Variants in ITGA1 observed in about 807,000 individuals in gnomAD.
ITGA1 encodes the protein integrin alpha-1.
A neutral mutation model predicts 145.9 loss-of-function variants in ITGA1; 85 were observed. The observed-to-expected ratio is 0.58, with a 90% confidence interval of 0.49 to 0.70. The LOEUF (loss-of-function observed/expected upper bound fraction) is 0.70. Among genes scored for constraint, ITGA1 ranks in the 30% least tolerant of loss-of-function variants. The probability of loss-of-function intolerance (pLI) is 0.00; values close to 1 mark genes in which losing one functional copy is unlikely to be tolerated. For missense variants in ITGA1, 1,351 were observed against 1,418.7 expected, an observed-to-expected ratio of 0.95 and a Z score of 0.77; for synonymous variants, 520 against 495.3, an observed-to-expected ratio of 1.05 and a Z score of -0.66.
chr5:52,789,636 A>G (rs1748200829), intron 1 of ITGA1, among the ~76,000 whole-genome samples: 1 of 152,236 alleles, frequency 6.6e-6, no homozygotes. Context: ...ACTGCTGAAC[A>G]GCATTATAGC....
At chr5:52,846,957 A>G (rs922332936) in intron 1 of ITGA1, among the ~76,000 whole-genome samples, 1 of 152,116 alleles carries the variant, frequency 6.6e-6, no homozygotes, top group Non-Finnish European at 1.5e-5. Context: ...TTCCTTCAAC[A>G]TGTTATCTGT....
chr5:52,844,270 T>C (rs1456756264), intron 1 of ITGA1, among the ~76,000 whole-genome samples: 1 of 152,200 alleles, frequency 6.6e-6, no homozygotes, highest in East Asian at 1.9e-4. Context: ...ACTTTTCTCC[T>C]TACTCAGACT....
At chr5:52,948,820 C>T (rs1175200192) in intron 28 of ITGA1, 1 of 152,154 alleles carries the variant, frequency 6.6e-6, no homozygotes, top group African/African-American at 2.4e-5. Flanking sequence ...CAGCACTGCA[C>T]TTACCTCTAT....
chr5:52,920,085 A>G (rs554997970), intron 16 of ITGA1, among the ~76,000 whole-genome samples: 1 of 152,330 alleles, frequency 6.6e-6, no homozygotes, highest in African/African-American at 2.4e-5. Context: ...TATAAGAATT[A>G]TAAACAATAA....
At chr5:52,952,274 A>G in intron 28 of ITGA1, 133 bp from the exon 29 acceptor site, 1 of 460,804 alleles carries the variant, frequency 2.2e-6, no homozygotes, top group Non-Finnish European at 4.0e-6. Flanking sequence ...CAATGAGAAA[A>G]TATTTCTTAA....
chr5:52,800,591 C>G, intron 1 of ITGA1: 1 of 1,613,616 alleles, frequency 6.2e-7, no homozygotes, highest in South Asian at 1.1e-5. Flanking sequence ...ACTACCCTCA[C>G]TCTCTGCGTG....
chr5:52,855,353 A>T (rs982700938), intron 2 of ITGA1, among the ~76,000 whole-genome samples: 2 of 152,192 alleles, frequency 1.3e-5, no homozygotes, highest in African/African-American at 2.4e-5. Flanking sequence ...GGAAAAAAAA[A>T]GATTTTACAA....
At position 52,898,332 on chromosome 5, in the gene ITGA1, A is replaced by G. The variant is rs951567299; in HGVS notation, c.1258A>G (p.Thr420Ala). 1 of 1,611,370 alleles carries G rather than the reference A, an allele frequency of 6.2e-7. No homozygotes were observed. The highest frequency in any genetic ancestry group is 1.1e-5 in the South Asian group (1 of 90,752). ...ASQIIIPRNT[T>A]FNVESTKKNE... ...TCAAATCATAATCCCTCGAAACACA[A>G]CCTTTAATGTTGAGTCTACCAAAAA... is the stretch of plus-strand genomic sequence containing the variant. The change falls in exon 11 of 29, where the codon ACC (threonine) becomes GCC (alanine). Residue 420 changes from threonine to alanine, a missense_variant. Physicochemically the swap from Thr to Ala is moderately conservative, Grantham distance 58. Transcript: ENST00000282588.
chr5:52,891,178 C>A (rs1316184408), intron 8 of ITGA1, among the ~76,000 whole-genome samples: 1 of 151,604 alleles, frequency 6.6e-6, no homozygotes, highest in African/African-American at 2.4e-5. Context: ...GTAAACAGTG[C>A]TGCAATAAAC....
At chr5:52,814,758 T>A (rs1748738757) in intron 1 of ITGA1, among the ~76,000 whole-genome samples, 1 of 152,002 alleles carries the variant, frequency 6.6e-6, no homozygotes, top group African/African-American at 2.4e-5. Flanking sequence ...AGAAAAAGAA[T>A]CAGTCCAATT....
chr5:52,909,153 A>C, intron 13 of ITGA1, 112 bp downstream of exon 13: 6 of 1,119,678 alleles, frequency 5.4e-6, no homozygotes, highest in Non-Finnish European at 7.6e-6. Context: ...CAAAGAAGCT[A>C]TCAGGATTCA....
At chr5:52,853,371 GCT>G (rs1490939464) in intron 2 of ITGA1, among the ~76,000 whole-genome samples, 1 of 152,140 alleles carries the variant, frequency 6.6e-6, no homozygotes, top group African/African-American at 2.4e-5. Context: ...CGAGAAATGT[GCT>G]ACAGAATAAT....
At chr5:52,947,271 C>A (rs1436872640) in intron 27 of ITGA1, 74 bp from the exon 28 acceptor site, 3 of 843,762 alleles carry the variant, frequency 3.6e-6, no homozygotes, top group African/African-American at 3.4e-5. Flanking sequence ...AGAATTGTAG[C>A]CTGCAAGAAC....
intron 1 of ITGA1, among the ~76,000 whole-genome samples, chr5:52,834,881 A>G (rs1334453305): frequency 6.6e-6 from 1 of 152,144 alleles, no homozygotes; most frequent in Non-Finnish European, 1.5e-5. Flanking sequence ...GCTTCAACAT[A>G]TGAATCTCAG....
At chr5:52,940,884 T>G (rs1278068146) in intron 26 of ITGA1, among the ~76,000 whole-genome samples, 1 of 152,120 alleles carries the variant, frequency 6.6e-6, no homozygotes, top group Admixed American at 6.6e-5. Context: ...AGGTTTAGGG[T>G]ACAGATTCCA....
At chr5:52,839,525 C>T (rs1411421945) in intron 1 of ITGA1, among the ~76,000 whole-genome samples, 2 of 152,168 alleles carry the variant, frequency 1.3e-5, no homozygotes, top group Non-Finnish European at 2.9e-5. Context: ...AGGGTCAAGT[C>T]TTACCCAACT....
At chr5:52,897,119 G>A (rs1383552510) in intron 9 of ITGA1, among the ~76,000 whole-genome samples, 2 of 152,110 alleles carry the variant, frequency 1.3e-5, no homozygotes, top group African/African-American at 2.4e-5. Context: ...ATTTCCTACT[G>A]TAGTACATCC....
At chr5:52,913,817 C>T (rs1457572458) in intron 14 of ITGA1, among the ~76,000 whole-genome samples, 1 of 152,116 alleles carries the variant, frequency 6.6e-6, no homozygotes, top group African/African-American at 2.4e-5. Flanking sequence ...TTTCATAAAA[C>T]CATAATGACA....
intron 12 of ITGA1, 151 bp downstream of exon 12, chr5:52,906,059 A>G (rs924732130): frequency 1.8e-5 from 11 of 628,216 alleles, no homozygotes; most frequent in Admixed American, 2.9e-5. Flanking sequence ...GGAAGGATGT[A>G]TAGTGTCTGT....
Sources: gnomAD v4.1 joint callset for allele counts (sites outside exome capture counted in the v4.1 genomes callset) on GRCh38, gnomAD v4.1.1 for gene constraint, MANE v1.5 for transcripts, NCBI Gene and HGNC (gene_info 2026-07-23, HGNC 2026-07-21) for gene names.